TRMT11: variants seen among roughly 807,000 people sequenced by gnomAD.
The protein encoded by TRMT11 is tRNA methyltransferase 11, also known as tRNA (guanine(10)-N(2))-methyltransferase TRMT11.
Under a neutral mutation model 62.8 loss-of-function variants are expected in TRMT11, and 53 were observed. That is an observed-to-expected ratio of 0.84 (90% CI 0.68 to 1.06). The LOEUF is 1.06. Ranked by LOEUF, TRMT11 falls within the 50% of genes least tolerant of loss-of-function variation. The pLI is 0.00. For synonymous variants in TRMT11, 188 were observed against 190.3 expected (o/e 0.99, Z 0.10); for missense variants, 556 against 553.4 (o/e 1.00, Z -0.05).
intron 21 of TRMT11, among the ~76,000 whole-genome samples, chr6:126,121,448 C>T (rs1777648549): frequency 6.6e-6 from 1 of 152,072 alleles, no homozygotes; most frequent in South Asian, 2.1e-4. Context: ...GGGTGCTCTA[C>T]CATGGTTTAT....
chr6:126,227,547 G>C, the TRMT11 span, among the ~76,000 whole-genome samples: 1 of 152,118 alleles, frequency 6.6e-6, no homozygotes, highest in Admixed American at 6.6e-5. Context: ...AACCATCTCA[G>C]AAAATTGCCT....
chr6:126,186,786 T>G (rs1439598794), intron 1 of TRMT11, among the ~76,000 whole-genome samples: 2 of 152,136 alleles, frequency 1.3e-5, no homozygotes, highest in African/African-American at 4.8e-5. Flanking sequence ...GAATCTTGAA[T>G]ACTTCTCTCG....
chr6:126,019,069 G>T (rs995452053), intron 11 of TRMT11, among the ~76,000 whole-genome samples: 2 of 151,910 alleles, frequency 1.3e-5, no homozygotes, highest in Non-Finnish European at 2.9e-5. Context: ...TAGCAGAGAC[G>T]GGGTTTCACC....
At chr6:126,103,047 C>A (rs902351561) in intron 17 of TRMT11, among the ~76,000 whole-genome samples, 14 of 152,164 alleles carry the variant, frequency 9.2e-5, no homozygotes, top group African/African-American at 3.4e-4. Context: ...TGTTACTCCT[C>A]ATCTCTGCCA....
intron 21 of TRMT11, among the ~76,000 whole-genome samples, chr6:126,148,604 C>A (rs992717844): frequency 1.3e-5 from 2 of 151,946 alleles, no homozygotes; most frequent in African/African-American, 4.8e-5. Context: ...TATTTTCCCC[C>A]CTTTAAAGTA....
At chr6:126,254,887 C>G in the TRMT11 span, among the ~76,000 whole-genome samples, 1 of 152,022 alleles carries the variant, frequency 6.6e-6, no homozygotes, top group African/African-American at 2.4e-5. Flanking sequence ...AAAAAAAACA[C>G]CTTTCTAAAT....
At chr6:126,185,411 A>G (rs1050816298) in intron 1 of TRMT11, among the ~76,000 whole-genome samples, 3 of 152,148 alleles carry the variant, frequency 2.0e-5, no homozygotes, top group Non-Finnish European at 4.4e-5. Context: ...CTTCTTTTGC[A>G]TGTCCTGGCC....
intron 21 of TRMT11, among the ~76,000 whole-genome samples, chr6:126,142,767 A>G (rs1272940446): frequency 6.6e-6 from 1 of 152,106 alleles, no homozygotes; most frequent in Non-Finnish European, 1.5e-5. Flanking sequence ...CTATATTAAC[A>G]GTGCTGAGAG....
chr6:126,038,260 A>G lies in TRMT11; in HGVS notation c.1261-445A>G, dbSNP rs563441115. 3.3e-5 allele frequency among the ~76,000 whole-genome samples: 5 copies of G among 152,086 alleles called. No individual in the cohort carries two copies. In the East Asian group the frequency reaches 7.7e-4, roughly 24 times the overall value. ...CCCCCAGACAATTTTGTGTGTCTGT[A>G]TGACCTCACACAAATGCATTATTTT... On this transcript the variant is annotated intron_variant, in intron 12 of 12. Transcript: ENST00000334379.
Position 126,048,493 on chromosome 6 carries a change from G to A in TRMT11, c.*1370-4630G>A, listed in dbSNP as rs111988544. Among the ~76,000 whole-genome samples, 251 of 152,206 alleles carry A rather than the reference G, an allele frequency of 1.6e-3. 2 individuals carry two copies. Among genetic ancestry groups the A allele is most frequent in the African/African-American group, 5.8e-3 (240 of 41,526 alleles). ...TCAAACAGTGGAAACAAATTGTGGC[G>A]GCTGATAGAACTGTCGGGGTCACTC... On this transcript the variant is annotated intron_variant and NMD_transcript_variant, in intron 16 of 22. Transcript: ENST00000648977.
At chr6:126,006,380 A>C (rs1187753839) in intron 7 of TRMT11, among the ~76,000 whole-genome samples, 1 of 151,982 alleles carries the variant, frequency 6.6e-6, no homozygotes, top group Non-Finnish European at 1.5e-5. Flanking sequence ...AAAGATGAAA[A>C]TCATGAATTA....
chr6:126,022,163 C>T (rs1272607107), intron 12 of TRMT11, among the ~76,000 whole-genome samples: 1 of 149,238 alleles, frequency 6.7e-6, no homozygotes, highest in Non-Finnish European at 1.5e-5. Flanking sequence ...CCTGCCTCAG[C>T]CTCCTGAGTA....
the TRMT11 span, among the ~76,000 whole-genome samples, chr6:126,241,472 C>G: frequency 4.6e-5 from 7 of 152,118 alleles, no homozygotes; most frequent in Admixed American, 2.0e-4. Context: ...GATACCAAAG[C>G]CTGGCAGAGA....
chr6:126,181,644 C>T lies in TRMT11; in HGVS notation n.143+4309C>T, dbSNP rs191223722. On this transcript the variant is annotated intron_variant and non_coding_transcript_variant, in intron 1 of 3. Coordinates refer to the TRMT11 transcript ENST00000444229. ...TTTAAAAGAAAAGGGCACCATTGTT[C>T]CAGTGGGATTGTGATTATGATAGTT... Among the ~76,000 whole-genome samples, 674 of 152,216 alleles carry T rather than the reference C, an allele frequency of 4.4e-3. 7 individuals carry two copies. The highest frequency in any genetic ancestry group is 0.015 in the African/African-American group (603 of 41,538).
At chr6:126,049,574 A>T (rs1776153687) in intron 16 of TRMT11, among the ~76,000 whole-genome samples, 1 of 151,974 alleles carries the variant, frequency 6.6e-6, no homozygotes, top group South Asian at 2.1e-4. Flanking sequence ...TGATTGGTTG[A>T]TGTCTATGGG....
chr6:126,134,850 A>G (rs1276014568), intron 21 of TRMT11, among the ~76,000 whole-genome samples: 2 of 151,900 alleles, frequency 1.3e-5, no homozygotes, highest in African/African-American at 4.8e-5. Flanking sequence ...AACTTCAGAA[A>G]CCATACAAAT....
intron 17 of TRMT11, among the ~76,000 whole-genome samples, chr6:126,063,792 G>A (rs1002945112): frequency 6.6e-6 from 1 of 152,132 alleles, no homozygotes; most frequent in African/African-American, 2.4e-5. Flanking sequence ...ATAAACAATC[G>A]GTGAGCAAAA....
intron 7 of TRMT11, among the ~76,000 whole-genome samples, chr6:126,007,797 A>C (rs1569738): frequency 0.71 from 107,751 of 151,816 alleles, 38,830 homozygotes; most frequent in East Asian, 0.95. Flanking sequence ...GTTTGATAAT[A>C]GTTACTCAGA....
intron 1 of TRMT11, among the ~76,000 whole-genome samples, chr6:126,179,745 A>G (rs913271285): frequency 4.6e-5 from 7 of 152,226 alleles, no homozygotes; most frequent in Admixed American, 4.6e-4. Flanking sequence ...AGAGTGAAGT[A>G]TATACTTTTC....
Sources: gnomAD v4.1 joint callset for allele counts (sites outside exome capture counted in the v4.1 genomes callset) on GRCh38, gnomAD v4.1.1 for gene constraint, MANE v1.5 for transcripts, NCBI Gene and HGNC (gene_info 2026-07-23, HGNC 2026-07-21) for gene names.